The following NAV1 variants were observed in gnomAD, a reference collection of about 807,000 sequenced individuals.
NAV1 encodes the protein neuron navigator 1.
NAV1 carries 18 observed loss-of-function variants against 175.2 expected under a neutral mutation model. That is an observed-to-expected ratio of 0.10 (90% CI 0.07 to 0.15). The LOEUF is 0.15. Ranked by LOEUF, NAV1 falls within the 10% of genes least tolerant of loss-of-function variation. NAV1 has a pLI of 1.00. For synonymous variants in NAV1, 897 were observed against 978.7 expected (o/e 0.92, Z 1.56); for missense variants, 1,731 against 2,436.6 (o/e 0.71, Z 6.10).
At chr1:201,730,700 A>G (rs1220241406) in intron 3 of NAV1, among the ~76,000 whole-genome samples, 2 of 152,246 alleles carry the variant, frequency 1.3e-5, no homozygotes, top group African/African-American at 2.4e-5. Context: ...GGGGAGCCAC[A>G]AAGTGGCCAC....
chr1:201,598,449 T>G (rs1391770419), intron 2 of NAV1, among the ~76,000 whole-genome samples: 1 of 152,110 alleles, frequency 6.6e-6, no homozygotes, highest in East Asian at 1.9e-4. Flanking sequence ...CTTTTTGGCC[T>G]CAGGGTGGAA....
chr1:201,642,965 G>A (rs1046022497), intron 2 of NAV1, among the ~76,000 whole-genome samples: 5 of 151,606 alleles, frequency 3.3e-5, no homozygotes, highest in Admixed American at 2.0e-4. Flanking sequence ...TAGTAGAGAA[G>A]GGGTTTCACC....
At chr1:201,756,854 TTCTTTC>T (rs1441440596) in intron 3 of NAV1, among the ~76,000 whole-genome samples, 6 of 111,188 alleles carry the variant, frequency 5.4e-5, no homozygotes, top group African/African-American at 2.0e-4. Context: ...CTTTCTTTCT[TTCTTTC>T]TTTCTTTCTT....
chr1:201,814,653 T>G (rs1678909545), intron 28 of NAV1, among the ~76,000 whole-genome samples: 1 of 152,108 alleles, frequency 6.6e-6, no homozygotes, highest in African/African-American at 2.4e-5. Context: ...ATTTATAAAT[T>G]ATATTATTTT....
At chr1:201,545,948 G>A (rs775886734) in intron 1 of NAV1, among the ~76,000 whole-genome samples, 1 of 152,254 alleles carries the variant, frequency 6.6e-6, no homozygotes, top group Non-Finnish European at 1.5e-5. Context: ...GATTTCAAGA[G>A]TCAGTTACCA....
intron 3 of NAV1, among the ~76,000 whole-genome samples, chr1:201,762,003 A>G (rs1454959385): frequency 6.6e-6 from 1 of 152,110 alleles, no homozygotes; most frequent in East Asian, 1.9e-4. Context: ...AAAATTAAAA[A>G]AAAAAAATTA....
chr1:201,771,238 C>CAAA (rs3054144), intron 3 of NAV1, among the ~76,000 whole-genome samples: 25,786 of 92,212 alleles, frequency 0.28, 3,986 homozygotes, highest in Non-Finnish European at 0.39. Context: ...GACTCCGTCT[C>CAAA]AAAAAAAAAA....
rs190164429 is a variant in NAV1, at chr1:201,706,909, G to T, written c.758-5908G>T. ...CCCATGAGTCTCCTTCTTCCTGAACGTCTCTGAATTTTGGGGGGTTATTAC... is the reference window on the plus strand; with the variant it reads ...CCCATGAGTCTCCTTCTTCCTGAACTTCTCTGAATTTTGGGGGGTTATTAC... On this transcript the variant is annotated intron_variant, in intron 1 of 29. Transcript: ENST00000367296. Among the ~76,000 whole-genome samples, 775 of 152,258 alleles carry T rather than the reference G, an allele frequency of 5.1e-3. 9 individuals are homozygous for T. The highest frequency in any genetic ancestry group is 0.017 in the African/African-American group (712 of 41,546).
At chr1:201,715,663 G>A (rs1243901346) in intron 2 of NAV1, among the ~76,000 whole-genome samples, 1 of 152,208 alleles carries the variant, frequency 6.6e-6, no homozygotes, top group African/African-American at 2.4e-5. Context: ...GCACAGCGCT[G>A]GGCACTGGCT....
chr1:201,764,086 TAAC>T (rs1430007986), intron 3 of NAV1, among the ~76,000 whole-genome samples: 2 of 152,294 alleles, frequency 1.3e-5, no homozygotes, highest in Admixed American at 1.3e-4. Flanking sequence ...TTTCCTATAA[TAAC>T]CTATGATATC....
At chr1:201,645,798 GTA>G (rs1558033310), upstream of NAV1, among the ~76,000 whole-genome samples, 78 of 152,336 alleles carry the variant, frequency 5.1e-4, no homozygotes, top group African/African-American at 1.9e-3. Context: ...GAGACAGCAA[GTA>G]AGAGCAACTG....
At chr1:201,779,601 A>AAAG (rs1676183712) in intron 3 of NAV1, among the ~76,000 whole-genome samples, 1 of 43,868 alleles carries the variant, frequency 2.3e-5, no homozygotes, top group African/African-American at 4.8e-5. Flanking sequence ...TCCGTCTCAA[A>AAAG]AAAAAAAAAA....
exon 2 of NAV1, chr1:201,629,440 G>C (rs1235335516): frequency 7.7e-7 from 1 of 1,304,056 alleles, no homozygotes; most frequent in Non-Finnish European, 1.0e-6. Flanking sequence ...CCCTCTCCCA[G>C]GGCAGCTGGC....
Position 201,642,525 on chromosome 1 carries a change from T to TTTTCTTTCTTTCTTTCTTTCTTTCTTTC in NAV1, c.5-6105_5-6078dup, listed in dbSNP as rs762452787. Among the ~76,000 whole-genome samples, 179 of 100,400 alleles carry TTTTCTTTCTTTCTTTCTTTCTTTCTTTC rather than the reference T, an allele frequency of 1.8e-3. 6 individuals are homozygous for TTTTCTTTCTTTCTTTCTTTCTTTCTTTC. The highest frequency in any genetic ancestry group is 7.4e-3 in the African/African-American group (171 of 23,206). 65.9% of individuals were successfully genotyped at this position (100,400 alleles called of 152,430 possible). A position where few individuals can be genotyped will look rare whatever the true frequency, so the allele number is the denominator to read the frequency against. ...CCGCACCCGGCCTCTTTCTTTCTTT[T>TTTTCTTTCTTTCTTTCTTTCTTTCTTTC]TTTCTTTCTTTCTTTCTTTCTTTCT... On this transcript the variant is annotated intron_variant, in intron 2 of 29. Coordinates refer to the NAV1 transcript ENST00000367302.
intron 1 of NAV1, among the ~76,000 whole-genome samples, chr1:201,576,477 G>A (rs1666692385): frequency 6.6e-6 from 1 of 152,132 alleles, no homozygotes; most frequent in Admixed American, 6.5e-5. Context: ...ATGGTGGCAT[G>A]TGCCTGTAAT....
chr1:201,642,190 C>CCT (rs1558031309), intron 2 of NAV1, among the ~76,000 whole-genome samples: 3 of 127,342 alleles, frequency 2.4e-5, no homozygotes, highest in Admixed American at 8.9e-5. Flanking sequence ...CCTTCCTTCC[C>CCT]TCCTTTCTTC....
At chr1:201,771,152 A>T (rs112146456) in intron 3 of NAV1, among the ~76,000 whole-genome samples, 2 of 149,990 alleles carry the variant, frequency 1.3e-5, no homozygotes, top group East Asian at 4.0e-4. Context: ...CCCTCAAAAC[A>T]TCTGGTGACC....
Position 201,558,332 on chromosome 1 carries a change from G to C in NAV1, c.-144+18990G>C, listed in dbSNP as rs2819384. On this transcript the variant is annotated intron_variant, in intron 1 of 33. Coordinates refer to the NAV1 transcript ENST00000685211. Reference sequence around the variant, plus strand: ...TGAAGAGTAGGCAGTGATTTTTCGGGGAAATGAATGAGCCCAGTGCTCAGA... The same window carrying C: ...TGAAGAGTAGGCAGTGATTTTTCGGCGAAATGAATGAGCCCAGTGCTCAGA... 3.9e-3 allele frequency among the ~76,000 whole-genome samples: 595 copies of C among 152,264 alleles called. 5 individuals carry two copies. Among genetic ancestry groups the C allele is most frequent in the African/African-American group, 0.014 (571 of 41,564 alleles).
chr1:201,746,085 C>T (rs1425815579), intron 3 of NAV1, among the ~76,000 whole-genome samples: 1 of 152,124 alleles, frequency 6.6e-6, no homozygotes, highest in Non-Finnish European at 1.5e-5. Flanking sequence ...ACCTCAGCCT[C>T]CCAAACTGCT....
Sources: allele counts gnomAD v4.1 joint callset (sites outside exome capture counted in the v4.1 genomes callset), GRCh38; gene constraint gnomAD v4.1.1; transcripts MANE v1.5; gene names NCBI Gene and HGNC (gene_info 2026-07-23, HGNC 2026-07-21).